Variants in TTC13 observed in about 807,000 individuals in gnomAD.
TTC13 encodes tetratricopeptide repeat domain 13, also known as tetratricopeptide repeat protein 13.
In TTC13, 62 loss-of-function variants were observed where a neutral mutation model predicts 120.0. The observed-to-expected ratio is 0.52, with a 90% CI of 0.42 to 0.64. The LOEUF (loss-of-function observed/expected upper bound fraction) is 0.64, where lower values mean the gene tolerates loss of function less well. Ranked by LOEUF, TTC13 falls within the 30% of genes least tolerant of loss-of-function variation. TTC13 has a pLI of 0.00. For missense variants in TTC13, 824 were observed against 1,050.2 expected, an observed-to-expected ratio of 0.78 and a Z score of 2.98; for synonymous variants, 384 against 393.5, an observed-to-expected ratio of 0.98 and a Z score of 0.28.
intron 1 of TTC13, among the ~76,000 whole-genome samples, chr1:230,966,847 C>T (rs1339951657): frequency 2.0e-5 from 3 of 152,126 alleles, no homozygotes; most frequent in Non-Finnish European, 4.4e-5. Flanking sequence ...CTGACGCTAC[C>T]CTCTAGCAAA....
intron 17 of TTC13, among the ~76,000 whole-genome samples, chr1:230,917,879 A>G (rs1672190494): frequency 6.6e-6 from 1 of 152,244 alleles, no homozygotes; most frequent in Non-Finnish European, 1.5e-5. Flanking sequence ...AAGGCAGCTG[A>G]AGAGCCCTCA....
chr1:230,922,843 G>A (rs1378625435), intron 15 of TTC13, among the ~76,000 whole-genome samples: 3 of 152,196 alleles, frequency 2.0e-5, no homozygotes, highest in African/African-American at 7.2e-5. Context: ...AGGTGGGGCT[G>A]TATCTCCCTT....
intron 1 of TTC13, among the ~76,000 whole-genome samples, chr1:230,973,153 T>A (rs915193434): frequency 2.0e-5 from 3 of 152,246 alleles, no homozygotes; most frequent in African/African-American, 7.2e-5. Context: ...TTGCTATGAC[T>A]GAGCACAAAA....
At chr1:230,959,220 T>C (rs1676391381) in intron 2 of TTC13, among the ~76,000 whole-genome samples, 1 of 152,184 alleles carries the variant, frequency 6.6e-6, no homozygotes, top group African/African-American at 2.4e-5. Flanking sequence ...TTGCCAAGCC[T>C]TTCTGCAAAA....
chr1:230,972,538 G>A (rs1056367449), intron 1 of TTC13, among the ~76,000 whole-genome samples: 20 of 152,146 alleles, frequency 1.3e-4, no homozygotes, highest in African/African-American at 4.3e-4. Context: ...ATTGTGAAAG[G>A]GAGAAGGTTT....
At chr1:230,961,161 C>T (rs760597320) in intron 2 of TTC13, 48 bp downstream of exon 2, 69 of 1,489,884 alleles carry the variant, frequency 4.6e-5, no homozygotes, top group Non-Finnish European at 6.3e-5. Context: ...GAACTAGTAT[C>T]ACTGGGCTTC....
intron 4 of TTC13, among the ~76,000 whole-genome samples, chr1:230,954,044 T>C (rs1379626018): frequency 6.6e-6 from 1 of 152,180 alleles, no homozygotes; most frequent in Non-Finnish European, 1.5e-5. Context: ...TGCATTTGAA[T>C]CCCATCTCTG....
chr1:230,945,480 T>A (rs750147372), intron 4 of TTC13, 26 bp from the exon 5 acceptor site: 1 of 1,608,368 alleles, frequency 6.2e-7, no homozygotes, highest in East Asian at 2.2e-5. Context: ...CAAAAACACG[T>A]CAAAAACCAT....
At chr1:230,937,670 G>T (rs9431604) in intron 8 of TTC13, among the ~76,000 whole-genome samples, 9,164 of 152,262 alleles carry the variant, frequency 0.06, 286 homozygotes, top group Middle Eastern at 0.088. Context: ...ATTCCTTTTG[G>T]TTTGGTTTTT....
At chr1:230,925,032 A>G in intron 13 of TTC13, 59 bp from the exon 14 acceptor site, 1 of 1,598,184 alleles carries the variant, frequency 6.3e-7, no homozygotes, top group Non-Finnish European at 8.6e-7. Flanking sequence ...AGTTCCACCT[A>G]CTTTACAGAG....
intron 13 of TTC13, among the ~76,000 whole-genome samples, chr1:230,925,265 C>A (rs1558179346): frequency 6.6e-6 from 1 of 152,180 alleles, no homozygotes; most frequent in Admixed American, 6.5e-5. Context: ...CTCCCTGGAT[C>A]AGCTGTCTGA....
intron 17 of TTC13, among the ~76,000 whole-genome samples, chr1:230,916,552 T>C (rs926615285): frequency 6.6e-6 from 1 of 152,096 alleles, no homozygotes; most frequent in Non-Finnish European, 1.5e-5. Context: ...AGCTCACAGG[T>C]TCTCTTCGTC....
chr1:230,916,218 A>C lies in TTC13; in HGVS notation c.2068T>G (p.Phe690Val), dbSNP rs1672014400. Reference sequence around the variant, plus strand: ...TTGTCTCCTGTAATCGTGATTGTGAATCCATCATATTCCTTCCCTTGGTCT... The same window carrying C: ...TTGTCTCCTGTAATCGTGATTGTGACTCCATCATATTCCTTCCCTTGGTCT... ...LKDQGKEYDG[F>V]TITITGDKVG... Residue 690 changes from phenylalanine (F) to valine (V), a missense_variant, in exon 18 of 23, where the codon TTC becomes GTC. This residue lies in a region of TTC13 where 226 missense variants were observed against 259.1 expected (regional missense o/e 0.87). Transcript: ENST00000366661. The C allele has an allele frequency of 6.2e-7, 1 of 1,613,836 alleles. No homozygotes were observed. The highest frequency in any genetic ancestry group is 1.3e-5 in the African/African-American group (1 of 74,924).
chr1:230,966,641 T>C (rs1287913327), intron 1 of TTC13, among the ~76,000 whole-genome samples: 1 of 152,130 alleles, frequency 6.6e-6, no homozygotes, highest in Admixed American at 6.5e-5. Flanking sequence ...CTGATAGCAA[T>C]CAAAGTACAC....
chr1:230,969,874 A>G (rs1677546232), intron 1 of TTC13, among the ~76,000 whole-genome samples: 1 of 152,240 alleles, frequency 6.6e-6, no homozygotes, highest in African/African-American at 2.4e-5. Context: ...ATAGGCTAAA[A>G]TCGCAGTGTT....
chr1:230,972,220 T>G (rs942312993), intron 1 of TTC13, among the ~76,000 whole-genome samples: 1 of 152,214 alleles, frequency 6.6e-6, no homozygotes, highest in African/African-American at 2.4e-5. Flanking sequence ...ATTTCCCAAA[T>G]GAAACTAGGG....
intron 4 of TTC13, among the ~76,000 whole-genome samples, chr1:230,949,098 C>T (rs1675285039): frequency 6.6e-6 from 1 of 152,030 alleles, no homozygotes; most frequent in Non-Finnish European, 1.5e-5. Flanking sequence ...GTTCCATGTG[C>T]TAGGAATACC....
Position 230,931,825 on chromosome 1 carries a change from G to A in TTC13, c.1036C>T (p.Leu346Phe), listed in dbSNP as rs1673588371. 1 of 1,614,148 alleles carries A rather than the reference G, an allele frequency of 6.2e-7. No individual in the cohort carries two copies. The highest frequency in any genetic ancestry group is 8.5e-7 in the Non-Finnish European group (1 of 1,180,030). Residue 346 changes from leucine (L) to phenylalanine (F), a missense_variant, in exon 10 of 23, where the codon CTC becomes TTC. Coordinates refer to ENST00000366661, the MANE Select transcript of TTC13 (RefSeq NM_024525.5). ...AGGGTTTGCACATGATTTTGGTTGA[G>A]CAACAGTGCCTTTTGAAAGCTCTCA... ...ATESFQKALL[L>F]NQNHVQTLQL... is the part of the protein sequence containing the mutation.
chr1:230,915,665 A>G (rs1466882257), intron 18 of TTC13, among the ~76,000 whole-genome samples: 1 of 152,090 alleles, frequency 6.6e-6, no homozygotes, highest in Non-Finnish European at 1.5e-5. Context: ...GAACAGTCTA[A>G]CCTCAGTTTT....
Sources: gnomAD v4.1 joint callset for allele counts (sites outside exome capture counted in the v4.1 genomes callset) on GRCh38, gnomAD v4.1.1 for gene constraint, gnomAD v4.1.1 regional missense constraint, MANE v1.5 for transcripts, NCBI Gene and HGNC (gene_info 2026-07-23, HGNC 2026-07-21) for gene names.